TRAF3IP2: variants seen among roughly 807,000 people sequenced by gnomAD.
TRAF3IP2 encodes the protein TRAF3 interacting protein 2, also known as E3 ubiquitin ligase TRAF3IP2.
TRAF3IP2 carries 35 observed loss-of-function variants against 57.9 expected under a neutral mutation model. That is an observed-to-expected ratio of 0.60 (90% confidence interval 0.46 to 0.80). The LOEUF (loss-of-function observed/expected upper bound fraction) is 0.80. Among genes scored for constraint, TRAF3IP2 ranks in the 30% least tolerant of loss-of-function variants. The pLI is 0.00. For synonymous variants in TRAF3IP2, 251 were observed against 268.9 expected (o/e 0.93, Z 0.65); for missense variants, 556 against 706.4 (o/e 0.79, Z 2.41).
chr6:111,597,142 G>A (rs965577244), intron 1 of TRAF3IP2, among the ~76,000 whole-genome samples: 4 of 152,184 alleles, frequency 2.6e-5, no homozygotes, highest in African/African-American at 4.8e-5. Flanking sequence ...ATTATGCCAC[G>A]TGGGTGACCC....
chr6:111,597,903 G>A (rs200493752), intron 1 of TRAF3IP2: 5 of 455,838 alleles, frequency 1.1e-5, no homozygotes, highest in African/African-American at 4.0e-5. Flanking sequence ...ACCAGAGGGC[G>A]GTGCCTGGAT....
intron 4 of TRAF3IP2, among the ~76,000 whole-genome samples, chr6:111,575,194 C>T (rs1056994472): frequency 1.3e-5 from 2 of 151,624 alleles, no homozygotes; most frequent in Non-Finnish European, 2.9e-5. Flanking sequence ...ACCGCACTCC[C>T]GCCTAGGCAA....
intron 1 of TRAF3IP2, among the ~76,000 whole-genome samples, chr6:111,595,884 G>A (rs1049123647): frequency 2.8e-4 from 43 of 150,882 alleles, no homozygotes; most frequent in African/African-American, 9.8e-4. Context: ...AATTTCTGAA[G>A]ACACAGAAAA....
At position 111,591,621 on chromosome 6, in the gene TRAF3IP2, A is replaced by G; in HGVS notation, c.466T>C (p.Ser156Pro). Residue 156 changes from serine (S) to proline (P), a missense_variant, in exon 2 of 9, where the codon TCA (serine) becomes CCA (proline). Physicochemically the swap from Ser to Pro is moderately conservative, Grantham distance 74. Coordinates refer to ENST00000368761, the MANE Select transcript of TRAF3IP2 (RefSeq NM_147686.4). This position sits in a 1 kb window ranked among gnomAD's most constrained non-coding sequence, Gnocchi z 4.9. The stretch of plus-strand genomic sequence containing the variant: ...GGTAAACTTTGGTCTGATTTGTCTG[A>G]GTCATGGCCAGTGTCAGGAGAAGCC... The part of the protein sequence containing the change: ...SAASPDTGHD[S>P]DKSDQSLPNA... 1 of 1,614,206 alleles carries G rather than the reference A, an allele frequency of 6.2e-7. No individual in the cohort carries two copies. The highest frequency in any genetic ancestry group is 8.5e-7 in the Non-Finnish European group (1 of 1,180,038).
rs965541130 is a variant in TRAF3IP2 at position 111,558,748 on chromosome 6, T to C, written c.*657A>G. The C allele has an allele frequency of 6.6e-6, 1 of 152,146 alleles. No homozygotes were observed. The highest frequency in any genetic ancestry group is 1.5e-5 in the Non-Finnish European group (1 of 68,022). 9.4% of individuals were successfully genotyped at this position (152,146 alleles called of 1,614,324 possible). ...CTGCGCCCAGCCTAAAAATCTTTAT[T>C]GCAAGAATAAAGCTTCCATGATTAT... On this transcript the variant is annotated 3_prime_UTR_variant, in exon 9 of 9. Transcript: ENST00000368761.
At position 111,559,557 on chromosome 6, in the gene TRAF3IP2, G is replaced by A; in HGVS notation, c.1552-6C>T. 1 of 1,613,790 alleles carries A rather than the reference G, an allele frequency of 6.2e-7. No individual in the cohort carries two copies. Among genetic ancestry groups the A allele is most frequent in the East Asian group, 2.2e-5 (1 of 44,880 alleles). ...AGCCAGGTGGGCACATGCTCCTATG[G>A]GAGGCAGAATGACAGGAGCAAAGGT... On this transcript the variant is annotated splice_region_variant and splice_polypyrimidine_tract_variant and intron_variant, in intron 8 of 8. Coordinates refer to ENST00000368761, the MANE Select transcript of TRAF3IP2 (RefSeq NM_147686.4).
intron 1 of TRAF3IP2, chr6:111,599,727 C>T (rs1796808333): frequency 6.6e-6 from 1 of 152,234 alleles, no homozygotes; most frequent in African/African-American, 2.4e-5. Context: ...AAAAGCTTTT[C>T]CTCCCATCAT....
intron 1 of TRAF3IP2, among the ~76,000 whole-genome samples, chr6:111,599,296 CA>C (rs778429869): frequency 6.6e-6 from 1 of 152,130 alleles, no homozygotes; most frequent in Non-Finnish European, 1.5e-5. Context: ...CATCTTCCCT[CA>C]AATATGTCAG....
intron 1 of TRAF3IP2, among the ~76,000 whole-genome samples, chr6:111,592,883 C>A (rs1454102719): frequency 5.3e-5 from 8 of 152,160 alleles, no homozygotes; most frequent in Non-Finnish European, 1.2e-4. Flanking sequence ...ATGCCTGCAA[C>A]AAAGGTAGCC....
intron 5 of TRAF3IP2, among the ~76,000 whole-genome samples, chr6:111,568,812 G>A (rs181314912): frequency 6.6e-6 from 1 of 152,152 alleles, no homozygotes; most frequent in Admixed American, 6.5e-5. Flanking sequence ...GGAGTCCCCT[G>A]TACCCTAAAG....
At position 111,562,844 on chromosome 6, in the gene TRAF3IP2, CAAAAA is replaced by C. The variant is rs931683636; in HGVS notation, c.1551+116_1551+120del. ...TGGGCAACACAGCGAGACTCCATCTCAAAAAAAAAAAAAAAGAAAAGAAAGAAAAA... is the reference window on the plus strand; with the variant it reads ...TGGGCAACACAGCGAGACTCCATCTCAAAAAAAAAAGAAAAGAAAGAAAAA... On this transcript the variant is annotated intron_variant, in intron 8 of 8. Coordinates refer to ENST00000368761, the MANE Select transcript of TRAF3IP2 (RefSeq NM_147686.4). 21 of 599,964 alleles carry C rather than the reference CAAAAA, an allele frequency of 3.5e-5. No homozygotes were observed. In the South Asian group the frequency reaches 3.6e-4, roughly 10 times the overall value. The allele number at this position is 599,964 out of a possible 1,614,324, so 37.2% of individuals were successfully genotyped here.
At chr6:111,592,182 G>T in intron 1 of TRAF3IP2, 88 bp from the exon 2 acceptor site, 1 of 1,150,544 alleles carries the variant, frequency 8.7e-7, no homozygotes, top group Non-Finnish European at 1.2e-6. Context: ...CCTCATTCAA[G>T]ATGTGGTTTA....
At chr6:111,564,815 G>A (rs1795574107) in intron 7 of TRAF3IP2, among the ~76,000 whole-genome samples, 1 of 152,210 alleles carries the variant, frequency 6.6e-6, no homozygotes, top group South Asian at 2.1e-4. Flanking sequence ...AGCTAGACAG[G>A]TTTCCTTAGG....
chr6:111,578,169 T>C lies in TRAF3IP2; in HGVS notation c.1022+2028A>G, dbSNP rs143078953. Among the ~76,000 whole-genome samples the C allele has an allele frequency of 3.5e-4, 54 of 152,356 alleles. No individual in the cohort carries two copies. The East Asian group carries it at 9.6e-3, about 27-fold the overall frequency. The stretch of plus-strand genomic sequence containing the variant: ...AAAATTGTTTGAAAATAAAAGTTTA[T>C]TTTAAAAATTACTATTCTCTTTCCT... On this transcript the variant is annotated intron_variant, in intron 3 of 8. Transcript: ENST00000368761.
chr6:111,587,222 C>A (rs1796367215), intron 2 of TRAF3IP2: 2 of 151,946 alleles, frequency 1.3e-5, no homozygotes, highest in South Asian at 2.1e-4. Context: ...GAAGTAATAC[C>A]TGTTTGCTAT....
At chr6:111,566,848 T>C in intron 6 of TRAF3IP2, 1 of 422,412 alleles carries the variant, frequency 2.4e-6, no homozygotes, top group East Asian at 5.2e-5. Context: ...CCCGAATCAC[T>C]GAGTGAGTCT....
chr6:111,579,358 A>G (rs1402015357), intron 3 of TRAF3IP2, among the ~76,000 whole-genome samples: 1 of 150,100 alleles, frequency 6.7e-6, no homozygotes, highest in Non-Finnish European at 1.5e-5. Flanking sequence ...GAGTTAGACA[A>G]CTGAAGTCAT....
At chr6:111,605,055 A>C (rs959196837) in intron 1 of TRAF3IP2, among the ~76,000 whole-genome samples, 5 of 151,142 alleles carry the variant, frequency 3.3e-5, no homozygotes, top group Non-Finnish European at 5.9e-5. Flanking sequence ...TTGTCCTTTT[A>C]AAAAATTTGG....
At chr6:111,573,009 A>G in intron 4 of TRAF3IP2, 26 bp from the exon 5 acceptor site, 1 of 1,509,032 alleles carries the variant, frequency 6.6e-7, no homozygotes, top group Non-Finnish European at 9.2e-7. Context: ...TACATTTATT[A>G]GAAACTGATC....
Sources: allele counts gnomAD v4.1 joint callset (sites outside exome capture counted in the v4.1 genomes callset), GRCh38; gene constraint gnomAD v4.1.1; non-coding constraint Gnocchi (gnomAD v3.1); transcripts MANE v1.5; gene names NCBI Gene and HGNC (gene_info 2026-07-23, HGNC 2026-07-21).